Variants in NRG2 observed in about 807,000 individuals in gnomAD.
NRG2 encodes neuregulin 2, also known as pro-neuregulin-2, membrane-bound isoform.
NRG2 carries 27 observed loss-of-function variants against 73.9 expected under a neutral mutation model. The ratio of observed to expected loss-of-function variants is 0.37; its 90% CI spans 0.27 to 0.50. The LOEUF (loss-of-function observed/expected upper bound fraction) is 0.50. Ranked by LOEUF, NRG2 falls within the 20% of genes least tolerant of loss-of-function variation. The pLI is 0.96. For missense variants in NRG2, 1,126 were observed against 1,210.1 expected (o/e 0.93, Z 1.03); for synonymous variants, 532 against 541.0 (o/e 0.98, Z 0.23).
intron 1 of NRG2, among the ~76,000 whole-genome samples, chr5:140,026,334 C>T (rs1760686440): frequency 1.3e-5 from 2 of 152,168 alleles, no homozygotes; most frequent in South Asian, 4.1e-4. Context: ...GAGATAATTA[C>T]TCTGTTTTAG....
At position 139,869,999 on chromosome 5, in the gene NRG2, T is replaced by G. The variant is rs191220983; in HGVS notation, c.1112+1722A>C. 2.3e-3 allele frequency among the ~76,000 whole-genome samples: 350 copies of G among 152,234 alleles called. 1 individual carries two copies. The highest frequency in any genetic ancestry group is 8.0e-3 in the African/African-American group (332 of 41,538). ...ACTTCAGTGACAGTGCTGGATCCCT[T>G]CAAAGTCTGGGGTCCAAGGGGCTAG... On this transcript the variant is annotated intron_variant, in intron 4 of 9. Transcript: ENST00000361474. The surrounding 1 kb of genome is among the most constrained non-coding windows in gnomAD (Gnocchi z 4.5).
intron 1 of NRG2, among the ~76,000 whole-genome samples, chr5:140,011,997 A>C (rs1759404100): frequency 1.3e-5 from 2 of 152,168 alleles, no homozygotes; most frequent in South Asian, 4.1e-4. Flanking sequence ...CCAAGGCCCT[A>C]CATGATGATC....
In NRG2 at chr5:139,988,041, T is replaced by C. The variant is rs192075369; in HGVS notation, c.700+54329A>G. Among the ~76,000 whole-genome samples, 252 of 152,330 alleles carry C rather than the reference T, an allele frequency of 1.7e-3. 1 individual carries two copies. The highest frequency in any genetic ancestry group is 5.7e-3 in the African/African-American group (237 of 41,574). The stretch of plus-strand genomic sequence containing the variant: ...CGCCTGCCTCGGCCTCCCAAAGTGC[T>C]GGGATTACAGGCGTGAGCCACCACG... On this transcript the variant is annotated intron_variant, in intron 1 of 9. Coordinates refer to ENST00000361474, the MANE Select transcript of NRG2 (RefSeq NM_004883.3).
rs1318556788 is a variant in NRG2 at position 139,887,573 on chromosome 5, A to G, written c.701-62T>C. 1.3e-5 allele frequency: 20 copies of G among 1,500,896 alleles called. No homozygotes were observed. Among genetic ancestry groups the G allele is most frequent in the Non-Finnish European group, 1.6e-5 (17 of 1,089,380 alleles). 93.0% of individuals were successfully genotyped at this position (1,500,896 alleles called of 1,614,324 possible). On this transcript the variant is annotated intron_variant, in intron 1 of 9. Coordinates refer to ENST00000361474, the MANE Select transcript of NRG2 (RefSeq NM_004883.3). The surrounding 1 kb of genome is among the most constrained non-coding windows in gnomAD (Gnocchi z 4.5). ...GGTAGGGGCAGTGCCAAGCATGAGT[A>G]GTGGAGAGTAAGGGCCACTGTCTTT...
rs754743803 is a variant in NRG2 at position 139,887,525 on chromosome 5, G to T, written c.701-14C>A. On this transcript the variant is annotated splice_polypyrimidine_tract_variant and intron_variant, in intron 1 of 9. Coordinates refer to ENST00000361474, the MANE Select transcript of NRG2 (RefSeq NM_004883.3). This position sits in a 1 kb window ranked among gnomAD's most constrained non-coding sequence, Gnocchi z 4.5. Reference sequence around the variant, plus strand: ...TGGGCCGGGTGGCTGTGGGTTACAAGGCAGGTAGGTGAGCACGGTGGTGGT... The same window carrying T: ...TGGGCCGGGTGGCTGTGGGTTACAATGCAGGTAGGTGAGCACGGTGGTGGT... 1 of 1,613,306 alleles carries T rather than the reference G, an allele frequency of 6.2e-7. No individual in the cohort carries two copies. Among genetic ancestry groups the T allele is most frequent in the African/African-American group, 1.3e-5 (1 of 74,880 alleles).
At chr5:139,873,935 T>G (rs1763016820) in intron 3 of NRG2, among the ~76,000 whole-genome samples, 1 of 152,206 alleles carries the variant, frequency 6.6e-6, no homozygotes, top group Non-Finnish European at 1.5e-5. Flanking sequence ...GCTGCCAGTA[T>G]CATGTTGTCA....
intron 1 of NRG2, among the ~76,000 whole-genome samples, chr5:139,938,460 A>G (rs439288): frequency 0.22 from 33,557 of 151,718 alleles, 4,883 homozygotes; most frequent in African/African-American, 0.42. Context: ...GGGCTCAAAC[A>G]GTCCTCCCAC....
rs1295620710 is a variant in NRG2 at position 139,954,964 on chromosome 5, C to T, written c.701-67453G>A. ...TCTCTGTAGGGCACTGTGTCCCTGACCTGCCCACTCACGATTGTCATCACC... is the reference window on the plus strand; with the variant it reads ...TCTCTGTAGGGCACTGTGTCCCTGATCTGCCCACTCACGATTGTCATCACC... On this transcript the variant is annotated intron_variant, in intron 1 of 9. Coordinates refer to ENST00000361474, the MANE Select transcript of NRG2 (RefSeq NM_004883.3). The surrounding 1 kb of genome is among the most constrained non-coding windows in gnomAD (Gnocchi z 5.0). Among the ~76,000 whole-genome samples the T allele has an allele frequency of 6.6e-6, 1 of 152,204 alleles. No homozygotes were observed. Among genetic ancestry groups the T allele is most frequent in the Non-Finnish European group, 1.5e-5 (1 of 68,040 alleles).
chr5:140,041,836 C>A (rs1761945385), intron 1 of NRG2, among the ~76,000 whole-genome samples: 1 of 152,094 alleles, frequency 6.6e-6, no homozygotes, highest in Non-Finnish European at 1.5e-5. Flanking sequence ...TGTGGATGAG[C>A]AGAGCAACGA....
chr5:140,041,548 T>C (rs1761915825), intron 1 of NRG2, among the ~76,000 whole-genome samples: 1 of 151,634 alleles, frequency 6.6e-6, no homozygotes, highest in African/African-American at 2.4e-5. Context: ...AGATGAGAGA[T>C]GCAGTCAAAT....
At chr5:140,019,041 G>A (rs1270620193) in intron 1 of NRG2, among the ~76,000 whole-genome samples, 1 of 152,174 alleles carries the variant, frequency 6.6e-6, no homozygotes, top group African/African-American at 2.4e-5. Flanking sequence ...AGGGAATCAC[G>A]GGGAGGTGAT....
At chr5:139,985,026 A>T (rs1757064842) in intron 1 of NRG2, among the ~76,000 whole-genome samples, 1 of 152,230 alleles carries the variant, frequency 6.6e-6, no homozygotes, top group Non-Finnish European at 1.5e-5. Flanking sequence ...TGGGAAGAGC[A>T]GACTTCAGAG....
intron 1 of NRG2, among the ~76,000 whole-genome samples, chr5:139,957,908 GCCTTTCCACTT>G (rs1754758279): frequency 6.6e-6 from 1 of 152,136 alleles, no homozygotes; most frequent in Admixed American, 6.5e-5. Context: ...CCAGAGGAGA[GCCTTTCCACTT>G]CCTATGGGCG....
At position 139,959,963 on chromosome 5, in the gene NRG2, C is replaced by T. The variant is rs79945503; in HGVS notation, c.701-72452G>A. Among the ~76,000 whole-genome samples the T allele has an allele frequency of 3.4e-3, 521 of 152,316 alleles. 4 individuals are homozygous for T. The highest frequency in any genetic ancestry group is 0.012 in the African/African-American group (490 of 41,572). On this transcript the variant is annotated intron_variant, in intron 1 of 9. Coordinates refer to ENST00000361474, the MANE Select transcript of NRG2 (RefSeq NM_004883.3). ...AAAAGGTGAGTAGGGGTTGGTGATG[C>T]TGCACCTCTATCCCTGGGTCCTGGG...
intron 5 of NRG2, among the ~76,000 whole-genome samples, chr5:139,863,062 T>C (rs891191932): frequency 2.0e-5 from 3 of 152,206 alleles, no homozygotes; most frequent in Admixed American, 6.5e-5. Flanking sequence ...AGGTACTAAA[T>C]TGTGCTCCAA....
At chr5:140,001,356 C>T (rs1157745697) in intron 1 of NRG2, among the ~76,000 whole-genome samples, 2 of 152,134 alleles carry the variant, frequency 1.3e-5, no homozygotes, top group African/African-American at 4.8e-5. Flanking sequence ...TTTTTTCACA[C>T]ATGGTTATCT....
chr5:139,896,132 C>T (rs1392456159), intron 1 of NRG2, among the ~76,000 whole-genome samples: 2 of 151,976 alleles, frequency 1.3e-5, no homozygotes, highest in African/African-American at 4.8e-5. Flanking sequence ...ACTGGCTTCT[C>T]AAACTGGGAT....
intron 1 of NRG2, among the ~76,000 whole-genome samples, chr5:139,905,218 C>T (rs1419232845): frequency 2.0e-5 from 3 of 152,208 alleles, no homozygotes; most frequent in African/African-American, 4.8e-5. Flanking sequence ...TGACTCCCCA[C>T]CCCCGCCCCG....
chr5:139,959,308 T>C (rs1379227101), intron 1 of NRG2, among the ~76,000 whole-genome samples: 55 of 152,238 alleles, frequency 3.6e-4, no homozygotes, highest in Non-Finnish European at 8.8e-5. Context: ...CAAGCGATTC[T>C]CCTGCCTCAG....
Sources: allele counts gnomAD v4.1 joint callset (sites outside exome capture counted in the v4.1 genomes callset), GRCh38; gene constraint gnomAD v4.1.1; non-coding constraint Gnocchi (gnomAD v3.1); transcripts MANE v1.5; gene names NCBI Gene and HGNC (gene_info 2026-07-23, HGNC 2026-07-21).